PTPRT: variants seen among roughly 807,000 people sequenced by gnomAD.
PTPRT encodes receptor-type tyrosine-protein phosphatase T.
In PTPRT, 56 loss-of-function variants were observed where a neutral mutation model predicts 176.8. The observed-to-expected ratio is 0.32, with a 90% CI of 0.26 to 0.40. The LOEUF is 0.40. Among genes scored for constraint, PTPRT ranks in the 10% least tolerant of loss-of-function variants. The pLI, the probability that PTPRT is intolerant of heterozygous loss-of-function variation, is 1.00. For synonymous variants in PTPRT, 783 were observed against 739.0 expected, an observed-to-expected ratio of 1.06 and a Z score of -0.96; for missense variants, 1,540 against 1,908.2, an observed-to-expected ratio of 0.81 and a Z score of 3.60.
At chr20:42,125,014 C>T (rs1568952713) in intron 19 of PTPRT, among the ~76,000 whole-genome samples, 1 of 152,138 alleles carries the variant, frequency 6.6e-6, no homozygotes, top group Admixed American at 6.5e-5. Context: ...TCCTCCCTGC[C>T]AGGTCTCCAT....
intron 8 of PTPRT, among the ~76,000 whole-genome samples, chr20:42,459,132 C>A (rs2070973932): frequency 6.6e-6 from 1 of 152,164 alleles, no homozygotes; most frequent in South Asian, 2.1e-4. Context: ...CTGAAGGAAC[C>A]ATCCTGCTTA....
chr20:42,185,352 G>C (rs1202865413), intron 16 of PTPRT, among the ~76,000 whole-genome samples: 2 of 152,160 alleles, frequency 1.3e-5, no homozygotes, highest in South Asian at 4.1e-4. Context: ...GCCTATATTT[G>C]TATGTGGTCT....
At chr20:42,891,817 T>A (rs2079197846) in intron 1 of PTPRT, among the ~76,000 whole-genome samples, 1 of 152,210 alleles carries the variant, frequency 6.6e-6, no homozygotes, top group Admixed American at 6.5e-5. Flanking sequence ...TATATCTGTA[T>A]ATATATTAAC....
chr20:42,373,210 G>A (rs569321967), intron 9 of PTPRT, among the ~76,000 whole-genome samples: 1 of 152,172 alleles, frequency 6.6e-6, no homozygotes, highest in Non-Finnish European at 1.5e-5. Context: ...GACAGGCTCA[G>A]AGAGGGTGAG....
At chr20:43,102,656 C>T (rs542194130) in intron 1 of PTPRT, among the ~76,000 whole-genome samples, 115 of 152,262 alleles carry the variant, frequency 7.6e-4, no homozygotes, top group African/African-American at 2.5e-3. Flanking sequence ...CTGGAAGTGA[C>T]AGATGGTGGA....
At chr20:42,541,804 T>C (rs1228574199) in intron 7 of PTPRT, among the ~76,000 whole-genome samples, 1 of 147,400 alleles carries the variant, frequency 6.8e-6, no homozygotes, top group Non-Finnish European at 1.5e-5. Context: ...ATATATTGAA[T>C]TAAAATTTTA....
chr20:42,389,689 C>CAAAAAA (rs935485398), intron 9 of PTPRT, among the ~76,000 whole-genome samples: 1 of 151,626 alleles, frequency 6.6e-6, no homozygotes, highest in Non-Finnish European at 1.5e-5. Flanking sequence ...CCTGTCACCA[C>CAAAAAA]AAAAAAATTA....
intron 1 of PTPRT, among the ~76,000 whole-genome samples, chr20:43,002,724 A>G (rs2146133086): frequency 6.6e-6 from 1 of 152,296 alleles, no homozygotes; most frequent in South Asian, 2.1e-4. Flanking sequence ...TAGCCAAAGT[A>G]TACCAAATGT....
At chr20:42,633,372 G>A (rs2074455579) in intron 7 of PTPRT, among the ~76,000 whole-genome samples, 1 of 152,110 alleles carries the variant, frequency 6.6e-6, no homozygotes, top group Non-Finnish European at 1.5e-5. Context: ...ACACATGACT[G>A]TGCTTGGAGA....
rs1280267822 is a variant in PTPRT, at chr20:42,125,494, C to T, written c.2847+3260G>A. Among the ~76,000 whole-genome samples, 4 of 152,224 alleles carry T rather than the reference C, an allele frequency of 2.6e-5. No homozygotes were observed. The East Asian group carries it at 7.7e-4, about 29-fold the overall frequency. ...CATAATAAGACAGCATGAACAGAGG[C>T]CATTTGCCCTGTCTGCCTAACCTAT... is the stretch of plus-strand genomic sequence containing the variant. On this transcript the variant is annotated intron_variant, in intron 19 of 30. Transcript: ENST00000373187.
chr20:42,558,015 A>G (rs1361513230), intron 7 of PTPRT, among the ~76,000 whole-genome samples: 1 of 152,196 alleles, frequency 6.6e-6, no homozygotes, highest in Non-Finnish European at 1.5e-5. Flanking sequence ...CAGGGGTATA[A>G]GTACAGGTTT....
chr20:42,740,466 C>T (rs577165412), intron 6 of PTPRT, among the ~76,000 whole-genome samples: 3 of 152,278 alleles, frequency 2.0e-5, no homozygotes, highest in South Asian at 2.1e-4. Flanking sequence ...CAGCCCCTGC[C>T]GAGTCCTCCT....
chr20:42,840,969 G>C (rs564807188), intron 2 of PTPRT, among the ~76,000 whole-genome samples: 1 of 152,188 alleles, frequency 6.6e-6, no homozygotes, highest in Admixed American at 6.5e-5. Flanking sequence ...AAAGCCTTTT[G>C]CCTTGGCTCA....
intron 7 of PTPRT, among the ~76,000 whole-genome samples, chr20:42,580,167 T>C (rs972053100): frequency 5.9e-5 from 9 of 152,212 alleles, no homozygotes; most frequent in Non-Finnish European, 8.8e-5. Context: ...GGGAATCCTT[T>C]CCCCATTGCT....
intron 1 of PTPRT, among the ~76,000 whole-genome samples, chr20:42,943,524 G>A (rs562073235): frequency 4.5e-4 from 68 of 151,860 alleles, no homozygotes; most frequent in African/African-American, 1.6e-3. Flanking sequence ...GCCTCTCCTA[G>A]GACACCCCTA....
At chr20:43,053,391 C>T (rs2425574) in intron 1 of PTPRT, among the ~76,000 whole-genome samples, 2 of 152,004 alleles carry the variant, frequency 1.3e-5, no homozygotes, top group African/African-American at 4.8e-5. Context: ...ACCAGCTACC[C>T]GGGTGGTTTC....
At chr20:42,102,015 G>C (rs189951973) in intron 26 of PTPRT, 109 bp downstream of exon 26, 24 of 1,322,472 alleles carry the variant, frequency 1.8e-5, no homozygotes, top group Admixed American at 6.1e-5. Context: ...TCAGAAGCAG[G>C]GGGGGCTGGC....
At chr20:42,418,141 C>T (rs779449419) in intron 9 of PTPRT, among the ~76,000 whole-genome samples, 15 of 152,170 alleles carry the variant, frequency 9.9e-5, no homozygotes, top group Admixed American at 2.6e-4. Context: ...GGAAAATGCA[C>T]GCTGTATTTC....
chr20:42,889,756 A>G (rs960185164), intron 1 of PTPRT, among the ~76,000 whole-genome samples: 1 of 152,246 alleles, frequency 6.6e-6, no homozygotes, highest in African/African-American at 2.4e-5. Context: ...CAGGTTAAAC[A>G]TAGAAGGAGG....
Sources: allele counts gnomAD v4.1 joint callset (sites outside exome capture counted in the v4.1 genomes callset), GRCh38; gene constraint gnomAD v4.1.1; transcripts MANE v1.5; gene names NCBI Gene and HGNC (gene_info 2026-07-23, HGNC 2026-07-21).